Variants in ZNF547 observed in about 807,000 individuals in gnomAD.
ZNF547 encodes zinc finger protein 547.
ZNF547 carries 4 observed loss-of-function variants against 7.7 expected under a neutral mutation model. The observed-to-expected ratio is 0.52, with a 90% CI of 0.26 to 1.20. The LOEUF (loss-of-function observed/expected upper bound fraction) is 1.20, where lower values mean the gene tolerates loss of function less well. ZNF547 is among the 50% of genes most tolerant of loss of function. The pLI is 0.14. For synonymous variants in ZNF547, 166 were observed against 166.2 expected (o/e 1.00, Z 0.01); for missense variants, 449 against 485.8 (o/e 0.92, Z 0.71).
intron 1 of ZNF547, among the ~76,000 whole-genome samples, chr19:57,367,426 GAAAA>G (rs750776299): frequency 3.0e-5 from 2 of 65,710 alleles, no homozygotes; most frequent in African/African-American, 4.5e-5. Flanking sequence ...GTTTGTTCAA[GAAAA>G]AAAAAAAAAA....
rs2088508236 is a variant in ZNF547, at chr19:57,372,015, T to C, written c.151+107T>C. On this transcript the variant is annotated intron_variant, in intron 3 of 3. Coordinates refer to ENST00000282282, the MANE Select transcript of ZNF547 (RefSeq NM_173631.4). ...AGTGAGACCATGGGTGCTGCTTCTT[T>C]TCCTTGTTTCCTGACATATGTTCCA... 3.5e-6 allele frequency: 5 copies of C among 1,440,210 alleles called. No individual in the cohort carries two copies. In the South Asian group the frequency reaches 8.4e-5, roughly 24 times the overall value. The allele number at this position is 1,440,210 out of a possible 1,614,324, so 89.2% of individuals were successfully genotyped here.
Position 57,377,815 on chromosome 19 carries a change from A to G in ZNF547, c.839A>G (p.Asn280Ser), listed in dbSNP as rs757319968. The change falls in exon 4 of 4, where the codon AAC becomes AGC. Residue 280 changes from asparagine (N) to serine (S), a missense_variant. Physicochemically the swap from Asn to Ser is conservative, Grantham distance 46. Coordinates refer to ENST00000282282, the MANE Select transcript of ZNF547 (RefSeq NM_173631.4). The part of the protein sequence containing the change: ...CSECGKFFKC[N>S]SNLFRHYRIH... Reference sequence around the variant, plus strand: ...GAATGTGGGAAGTTCTTTAAGTGCAACTCAAACCTCTTTAGGCATTACAGA... The same window carrying G: ...GAATGTGGGAAGTTCTTTAAGTGCAGCTCAAACCTCTTTAGGCATTACAGA... The G allele has an allele frequency of 6.2e-7, 1 of 1,614,016 alleles. No homozygotes were observed. The highest frequency in any genetic ancestry group is 1.1e-5 in the South Asian group (1 of 91,078).
chr19:57,367,996 G>A (rs1258461856), intron 1 of ZNF547: 1 of 152,422 alleles, frequency 6.6e-6, no homozygotes, highest in Admixed American at 6.5e-5. Flanking sequence ...AACACTTATT[G>A]GTATAAGCAC....
chr19:57,378,529 G>C lies in ZNF547; in HGVS notation c.*344G>C. 1 of 438,062 alleles carries C rather than the reference G, an allele frequency of 2.3e-6. No homozygotes were observed. The allele number at this position is 438,062 out of a possible 1,614,324, so 27.1% of individuals were successfully genotyped here. On this transcript the variant is annotated 3_prime_UTR_variant, in exon 4 of 4. Transcript: ENST00000282282. Reference sequence around the variant, plus strand: ...CACTAGTGAAAGTCTTCTGAGTACAGCAAATGTGTGACATTATTTTGCTAC... The same window carrying C: ...CACTAGTGAAAGTCTTCTGAGTACACCAAATGTGTGACATTATTTTGCTAC...
chr19:57,377,605 G>T lies in ZNF547; in HGVS notation c.629G>T (p.Arg210Met). Residue 210 changes from arginine (R) to methionine (M), a missense_variant, in exon 4 of 4, where the codon AGG becomes ATG. Arg to Met is a moderately conservative substitution (Grantham distance 91). Transcript: ENST00000282282. Reference sequence around the variant, plus strand: ...CATCAGAGAACTCACACTGGAGAAAGGCCTTATGAGTGCAATGAATGTGGG... The same window carrying T: ...CATCAGAGAACTCACACTGGAGAAATGCCTTATGAGTGCAATGAATGTGGG... The part of the protein sequence containing the change: ...NRHQRTHTGE[R>M]PYECNECGKA... 6.2e-7 allele frequency: 1 copy of T among 1,614,132 alleles called. No homozygotes were observed.
chr19:57,375,949 G>A (rs1358638547), intron 3 of ZNF547, among the ~76,000 whole-genome samples: 1 of 151,958 alleles, frequency 6.6e-6, no homozygotes, highest in African/African-American at 2.4e-5. Context: ...GATCACCTGA[G>A]GTCAGGAGTT....
intron 2 of ZNF547, among the ~76,000 whole-genome samples, chr19:57,369,494 G>A (rs529978275): frequency 2.0e-5 from 3 of 152,268 alleles, no homozygotes; most frequent in South Asian, 2.1e-4. Context: ...GGTGGCTGTC[G>A]TATGGACCAG....
At position 57,371,763 on chromosome 19, in the gene ZNF547, A is replaced by G. The variant is rs1600077250; in HGVS notation, c.25-19A>G. 2 of 1,601,624 alleles carry G rather than the reference A, an allele frequency of 1.2e-6. No homozygotes were observed. The highest frequency in any genetic ancestry group is 8.5e-7 in the Non-Finnish European group (1 of 1,175,730). On this transcript the variant is annotated intron_variant, in intron 2 of 3. Coordinates refer to ENST00000282282, the MANE Select transcript of ZNF547 (RefSeq NM_173631.4). ...AGTTTGAAAAGCTGCTCATGTATTCATCTTTCCCAATTTGGCAGGGTCATG... is the reference window on the plus strand; with the variant it reads ...AGTTTGAAAAGCTGCTCATGTATTCGTCTTTCCCAATTTGGCAGGGTCATG...
At chr19:57,369,899 C>CGTTTTTTTTTTT (rs2088493597) in intron 2 of ZNF547, among the ~76,000 whole-genome samples, 2 of 51,678 alleles carry the variant, frequency 3.9e-5, no homozygotes, top group Non-Finnish European at 6.7e-5. Context: ...ACTCACAGTT[C>CGTTTTTTTTTTT]TTTTTTTTTT....
At chr19:57,365,444 T>A (rs979338915) in intron 1 of ZNF547, 1 of 558,300 alleles carries the variant, frequency 1.8e-6, no homozygotes, top group African/African-American at 1.9e-5. Context: ...AGTAGATCAA[T>A]TAGTATTTCC....
intron 1 of ZNF547, among the ~76,000 whole-genome samples, chr19:57,367,807 G>A (rs1011180844): frequency 4.6e-5 from 7 of 152,142 alleles, no homozygotes; most frequent in African/African-American, 1.7e-4. Flanking sequence ...TTCTAAACTA[G>A]GGCACTGCTT....
rs745512510 is a variant in ZNF547 at position 57,377,961 on chromosome 19, T to A, written c.985T>A (p.Cys329Ser). The A allele has an allele frequency of 1.2e-6, 2 of 1,614,162 alleles. No homozygotes were observed. The highest frequency in any genetic ancestry group is 2.2e-5 in the South Asian group (2 of 91,086). ...AGAAAGGCCTTATGAGTGCAATGAA[T>A]GTGGGAAATTCTTCAGCTTGAAATC... The part of the protein sequence containing the change: ...TGERPYECNE[C>S]GKFFSLKSVL... The change falls in exon 4 of 4, where the codon TGT (cysteine) becomes AGT (serine). Residue 329 changes from cysteine (C) to serine (S), a missense_variant. Cys to Ser is a moderately radical substitution (Grantham distance 112, BLOSUM62 -1). Coordinates refer to ENST00000282282, the MANE Select transcript of ZNF547 (RefSeq NM_173631.4).
intron 1 of ZNF547, chr19:57,364,607 G>T: frequency 1.7e-6 from 1 of 585,964 alleles, no homozygotes; most frequent in Admixed American, 3.0e-5. Flanking sequence ...CGGGGGTGGT[G>T]ACGCGCGCCT....
At chr19:57,376,993 T>A in intron 3 of ZNF547, 135 bp from the exon 4 acceptor site, 1 of 869,586 alleles carries the variant, frequency 1.1e-6, no homozygotes, top group East Asian at 2.6e-5. Flanking sequence ...AGACCTGGCC[T>A]GCCACAGTAC....
chr19:57,367,199 G>A (rs1361390071), intron 1 of ZNF547, among the ~76,000 whole-genome samples: 2 of 152,130 alleles, frequency 1.3e-5, no homozygotes, highest in Admixed American at 1.3e-4. Context: ...CACCAGAGGG[G>A]GCTGGGAATT....
intron 3 of ZNF547, among the ~76,000 whole-genome samples, chr19:57,375,375 G>C (rs2088529676): frequency 6.6e-6 from 1 of 151,452 alleles, no homozygotes; most frequent in Admixed American, 6.6e-5. Context: ...ACTTGGCCAG[G>C]CTTGGTGGCC....
intron 3 of ZNF547, among the ~76,000 whole-genome samples, chr19:57,376,237 A>G (rs900702610): frequency 7.2e-5 from 11 of 152,154 alleles, no homozygotes; most frequent in African/African-American, 2.2e-4. Flanking sequence ...AACCGTCCCC[A>G]TGATTCGGTT....
At chr19:57,375,477 C>T (rs144347352) in intron 3 of ZNF547, among the ~76,000 whole-genome samples, 397 of 151,718 alleles carry the variant, frequency 2.6e-3, no homozygotes, top group African/African-American at 9.1e-3. Flanking sequence ...CATGGCGAAA[C>T]CCCGTCTCTA....
At position 57,378,992 on chromosome 19, in the gene ZNF547, T is replaced by G. The variant is rs8100747; in HGVS notation, c.*807T>G. 4 of 166,274 alleles carry G rather than the reference T, an allele frequency of 2.4e-5. No individual in the cohort carries two copies. The highest frequency in any genetic ancestry group is 9.6e-5 in the African/African-American group (4 of 41,518). The allele number at this position is 166,274 out of a possible 1,614,324, so 10.3% of individuals were successfully genotyped here. A position where few individuals can be genotyped will look rare whatever the true frequency, so the allele number is the denominator to read the frequency against. On this transcript the variant is annotated 3_prime_UTR_variant, in exon 4 of 4. Coordinates refer to ENST00000282282, the MANE Select transcript of ZNF547 (RefSeq NM_173631.4). ...TTAGGATAATATCCTCAAAGTTCAT[T>G]CATTTTTTAGCATGTGTCAGAAATT...
Sources: gnomAD v4.1 joint callset for allele counts (sites outside exome capture counted in the v4.1 genomes callset) on GRCh38, gnomAD v4.1.1 for gene constraint, MANE v1.5 for transcripts, NCBI Gene and HGNC (gene_info 2026-07-23, HGNC 2026-07-21) for gene names.